Variants in RMND5A observed in about 807,000 individuals in gnomAD.
RMND5A encodes E3 ubiquitin-protein transferase RMND5A.
In RMND5A, 17 loss-of-function variants were observed where a neutral mutation model predicts 49.7. The ratio of observed to expected loss-of-function variants is 0.34; its 90% confidence interval spans 0.23 to 0.51. The LOEUF (loss-of-function observed/expected upper bound fraction) is 0.51. Ranked by LOEUF, RMND5A falls within the 20% of genes least tolerant of loss-of-function variation. RMND5A has a pLI of 0.96. For synonymous variants in RMND5A, 156 were observed against 167.7 expected (o/e 0.93, Z 0.54); for missense variants, 255 against 471.3 (o/e 0.54, Z 4.25).
intron 1 of RMND5A, among the ~76,000 whole-genome samples, chr2:86,732,357 A>C (rs982379790): frequency 1.3e-5 from 2 of 150,258 alleles, no homozygotes; most frequent in Non-Finnish European, 2.9e-5. Flanking sequence ...GAAAATTAAA[A>C]GTGCAGATAC....
At chr2:86,749,996 A>G (rs1034564402) in intron 2 of RMND5A, among the ~76,000 whole-genome samples, 14 of 152,234 alleles carry the variant, frequency 9.2e-5, no homozygotes, top group African/African-American at 3.1e-4. Context: ...CTTGTACATC[A>G]TGTAAAATAA....
At position 86,773,579 on chromosome 2, in the gene RMND5A, C is replaced by T. The variant is rs957751212; in HGVS notation, c.*168C>T. 23 of 467,198 alleles carry T rather than the reference C, an allele frequency of 4.9e-5. No homozygotes were observed. The highest frequency in any genetic ancestry group is 4.2e-4 in the South Asian group (9 of 21,342). The allele number at this position is 467,198 out of a possible 1,614,324, so 28.9% of individuals were successfully genotyped here. ...GTACACACACTGAGGGGAGTGCTCC[C>T]GGTGAATATTATCATAGGGCTTTAT... is the stretch of plus-strand genomic sequence containing the variant. On this transcript the variant is annotated 3_prime_UTR_variant, in exon 9 of 9. Coordinates refer to ENST00000283632, the MANE Select transcript of RMND5A (RefSeq NM_022780.4).
At chr2:86,763,950 C>A (rs1672548691) in intron 4 of RMND5A, among the ~76,000 whole-genome samples, 1 of 152,132 alleles carries the variant, frequency 6.6e-6, no homozygotes, top group East Asian at 1.9e-4. Flanking sequence ...GTCAAAGAAG[C>A]CTCATGATTT....
At position 86,757,174 on chromosome 2, in the gene RMND5A, C is replaced by CAA. The variant is rs60710494; in HGVS notation, c.521+3648_521+3649dup. 8.5e-4 allele frequency among the ~76,000 whole-genome samples: 83 copies of CAA among 97,940 alleles called. 2 individuals carry two copies. The highest frequency in any genetic ancestry group is 1.9e-3 in the South Asian group (5 of 2,610). The allele number at this position is 97,940 out of a possible 152,430, so 64.3% of individuals were successfully genotyped here. On this transcript the variant is annotated intron_variant, in intron 4 of 8. Coordinates refer to ENST00000283632, the MANE Select transcript of RMND5A (RefSeq NM_022780.4). ...GGGCAACAAGAGTGAAACTCAGTCT[C>CAA]AAAAAAAAAAAAAAAAAAAAAAAAA...
rs568407063 is a variant in RMND5A, at chr2:86,753,369, C to T, written c.421-89C>T. On this transcript the variant is annotated intron_variant, in intron 3 of 8. Coordinates refer to ENST00000283632, the MANE Select transcript of RMND5A (RefSeq NM_022780.4). Reference sequence around the variant, plus strand: ...GGGAATTATCTTTAATGGCTTGCCCCATATTTTACAATCTAGAATATACTT... The same window carrying T: ...GGGAATTATCTTTAATGGCTTGCCCTATATTTTACAATCTAGAATATACTT... The T allele has an allele frequency of 8.7e-4, 640 of 734,966 alleles. 14 individuals are homozygous for T. The South Asian group carries it at 0.011, about 13-fold the overall frequency. The allele number at this position is 734,966 out of a possible 1,614,324, so 45.5% of individuals were successfully genotyped here. A position where few individuals can be genotyped will look rare whatever the true frequency, so the allele number is the denominator to read the frequency against.
chr2:86,768,215 G>C (rs1005232530), intron 6 of RMND5A, among the ~76,000 whole-genome samples: 1 of 152,122 alleles, frequency 6.6e-6, no homozygotes, highest in East Asian at 1.9e-4. Flanking sequence ...GCATATAAAG[G>C]GGTCCTGAAA....
At chr2:86,761,069 T>C (rs1464956826) in intron 4 of RMND5A, among the ~76,000 whole-genome samples, 1 of 151,734 alleles carries the variant, frequency 6.6e-6, no homozygotes, top group Non-Finnish European at 1.5e-5. Flanking sequence ...AGATGGTAAT[T>C]ACAAGGATAT....
At chr2:86,762,709 C>CATATATATATATCATAT (rs5832691) in intron 4 of RMND5A, among the ~76,000 whole-genome samples, 2 of 25,412 alleles carry the variant, frequency 7.9e-5, no homozygotes, top group African/African-American at 1.4e-4. Flanking sequence ...TCATATATAT[C>CATATATATATATCATAT]ATATATATCA....
At position 86,766,154 on chromosome 2, in the gene RMND5A, C is replaced by A. The variant is rs756356109; in HGVS notation, c.854+130C>A. On this transcript the variant is annotated intron_variant, in intron 6 of 8. Coordinates refer to ENST00000283632, the MANE Select transcript of RMND5A (RefSeq NM_022780.4). ...CCAAAGAAGAGTGCAATTGGTATTT[C>A]AAAAGATATCACAATTGGCAGTGAT... The A allele has an allele frequency of 2.0e-5, 16 of 789,936 alleles. No homozygotes were observed. In the East Asian group the frequency reaches 3.8e-4, roughly 19 times the overall value. 48.9% of individuals were successfully genotyped at this position (789,936 alleles called of 1,614,324 possible).
At chr2:86,744,622 A>G (rs903114561) in intron 2 of RMND5A, among the ~76,000 whole-genome samples, 5 of 152,158 alleles carry the variant, frequency 3.3e-5, no homozygotes, top group Non-Finnish European at 5.9e-5. Context: ...TTCCCTACCT[A>G]TCATGTCTCT....
rs1672716639 is a variant in RMND5A at position 86,773,545 on chromosome 2, C to T, written c.*134C>T. On this transcript the variant is annotated 3_prime_UTR_variant, in exon 9 of 9. Coordinates refer to ENST00000283632, the MANE Select transcript of RMND5A (RefSeq NM_022780.4). ...GCTAATGCTCCAGAAACTTTGCCAA[C>T]CTGTTAGTGTACACACACTGAGGGG... 3.3e-6 allele frequency: 2 copies of T among 609,346 alleles called. No individual in the cohort carries two copies. The highest frequency in any genetic ancestry group is 5.6e-5 in the East Asian group (2 of 35,970). The allele number at this position is 609,346 out of a possible 1,614,324, so 37.7% of individuals were successfully genotyped here. A position where few individuals can be genotyped will look rare whatever the true frequency, so the allele number is the denominator to read the frequency against.
chr2:86,753,285 T>G (rs1255536203), intron 3 of RMND5A, among the ~76,000 whole-genome samples, 173 bp from the exon 4 acceptor site: 1 of 152,162 alleles, frequency 6.6e-6, no homozygotes, highest in Non-Finnish European at 1.5e-5. Flanking sequence ...AATTTGGGGA[T>G]TCTACTATGG....
rs563562660 is a variant in RMND5A at position 86,735,013 on chromosome 2, T to C, written c.143-5914T>C. Among the ~76,000 whole-genome samples the C allele has an allele frequency of 2.1e-3, 316 of 148,318 alleles. 6 individuals are homozygous for C. The highest frequency in any genetic ancestry group is 0.02 in the Admixed American group (298 of 15,154). ...TGAAATGACACAATATGTGGCCTTTTGTGTCTGGCTTATTGAATACTTAAT... is the reference window on the plus strand; with the variant it reads ...TGAAATGACACAATATGTGGCCTTTCGTGTCTGGCTTATTGAATACTTAAT... On this transcript the variant is annotated intron_variant, in intron 1 of 8. Coordinates refer to ENST00000283632, the MANE Select transcript of RMND5A (RefSeq NM_022780.4).
chr2:86,748,107 A>G (rs189398561), intron 2 of RMND5A: 2 of 152,318 alleles, frequency 1.3e-5, no homozygotes, highest in Admixed American at 1.3e-4. Context: ...TTCATTAGCC[A>G]CCTCTTGGCT....
intron 2 of RMND5A, among the ~76,000 whole-genome samples, chr2:86,744,774 C>G (rs1681507998): frequency 6.6e-6 from 1 of 152,104 alleles, no homozygotes; most frequent in South Asian, 2.1e-4. Flanking sequence ...CTTGACCTCC[C>G]TGGGCTCGAG....
intron 2 of RMND5A, among the ~76,000 whole-genome samples, chr2:86,741,748 ACTGTGTGATAC>A (rs1174307707): frequency 6.6e-5 from 10 of 151,382 alleles, no homozygotes; most frequent in Non-Finnish European, 1.5e-4. Context: ...GTTCAAGGTT[ACTGTGTGATAC>A]CTCTGACTAC....
chr2:86,765,995 G>A lies in RMND5A; in HGVS notation c.825G>A (p.Gly275=), dbSNP rs764772902. 2 of 1,614,048 alleles carry A rather than the reference G, an allele frequency of 1.2e-6. No homozygotes were observed. The highest frequency in any genetic ancestry group is 1.7e-4 in the Middle Eastern group (1 of 6,060). The change falls in exon 6 of 9, where the codon GGG becomes GGA. Residue 275 remains glycine, a synonymous_variant. Coordinates refer to ENST00000283632, the MANE Select transcript of RMND5A (RefSeq NM_022780.4). ...CACGGGATGCTTGTGCCCTCCTGGG[G>A]CTCTCCGTGGAGTCCCCTCTCAGTG... ...IFTRDACALL[G]LSVESPLSVS... is the part of the protein sequence containing the mutation.
intron 5 of RMND5A, 74 bp downstream of exon 5, chr2:86,765,267 C>G: frequency 1.6e-6 from 2 of 1,285,938 alleles, no homozygotes; most frequent in Non-Finnish European, 1.1e-6. Flanking sequence ...CAGTTCTTAA[C>G]TAGAGCTAAT....
At chr2:86,732,003 T>G (rs1681340470) in intron 1 of RMND5A, among the ~76,000 whole-genome samples, 1 of 58,698 alleles carries the variant, frequency 1.7e-5, no homozygotes, top group South Asian at 5.4e-4. Flanking sequence ...ATTCCAGTCT[T>G]AGGTGGTGAT....
Sources: gnomAD v4.1 joint callset for allele counts (sites outside exome capture counted in the v4.1 genomes callset) on GRCh38, gnomAD v4.1.1 for gene constraint, MANE v1.5 for transcripts, NCBI Gene and HGNC (gene_info 2026-07-23, HGNC 2026-07-21) for gene names.